PRTFDC1: variants seen among roughly 807,000 people sequenced by gnomAD.
PRTFDC1 encodes the protein phosphoribosyltransferase domain-containing protein 1.
In PRTFDC1, 38 loss-of-function variants were observed where a neutral mutation model predicts 34.6. The observed-to-expected ratio is 1.10, with a 90% CI of 0.85 to 1.44. The LOEUF is 1.44. Ranked by LOEUF, PRTFDC1 falls within the 40% of genes most tolerant of loss-of-function variation. PRTFDC1 has a pLI of 0.00. For missense variants in PRTFDC1, 270 were observed against 283.0 expected, an observed-to-expected ratio of 0.95 and a Z score of 0.33; for synonymous variants, 93 against 98.1, an observed-to-expected ratio of 0.95 and a Z score of 0.31.
intron 3 of PRTFDC1, among the ~76,000 whole-genome samples, chr10:24,904,408 C>T (rs1355260289): frequency 6.6e-6 from 1 of 152,082 alleles, no homozygotes. Flanking sequence ...TTGAGATGTC[C>T]CCCCTCAAAG....
chr10:24,894,889 G>T (rs797003831), intron 3 of PRTFDC1, among the ~76,000 whole-genome samples: 12 of 152,284 alleles, frequency 7.9e-5, no homozygotes, highest in African/African-American at 2.9e-4. Context: ...GCATCAGGAA[G>T]TAGTGGCGAC....
chr10:24,932,712 A>T (rs1848989687), intron 3 of PRTFDC1, among the ~76,000 whole-genome samples: 1 of 152,042 alleles, frequency 6.6e-6, no homozygotes, highest in Non-Finnish European at 1.5e-5. Flanking sequence ...ATTCCCCCCA[A>T]ATTGATCTAT....
intron 3 of PRTFDC1, among the ~76,000 whole-genome samples, chr10:24,933,678 G>GA (rs1193789978): frequency 2.0e-5 from 3 of 148,152 alleles, no homozygotes; most frequent in Non-Finnish European, 4.5e-5. Flanking sequence ...AATCCTTTGG[G>GA]AAAAGAGTTT....
rs377737878 is a variant in PRTFDC1 at position 24,872,776 on chromosome 10, ATGTGTGTGTGTG to A, written c.340-725_340-714del. 3.2e-5 allele frequency among the ~76,000 whole-genome samples: 3 copies of A among 94,316 alleles called. No homozygotes were observed. In the South Asian group the frequency reaches 1.1e-3, roughly 33 times the overall value. The allele number at this position is 94,316 out of a possible 152,430, so 61.9% of individuals were successfully genotyped here. On this transcript the variant is annotated intron_variant, in intron 3 of 8. Coordinates refer to ENST00000320152, the MANE Select transcript of PRTFDC1 (RefSeq NM_020200.7). ...TGCACACGTGTGTGTGTATATATAT[ATGTGTGTGTGTG>A]TATATATATATATATATATTTTTTT...
chr10:24,905,446 C>T (rs916891084), intron 3 of PRTFDC1, among the ~76,000 whole-genome samples: 1 of 151,236 alleles, frequency 6.6e-6, no homozygotes, highest in African/African-American at 2.4e-5. Flanking sequence ...CTCAGTCTCC[C>T]GAGTAGCTGG....
intron 3 of PRTFDC1, among the ~76,000 whole-genome samples, chr10:24,920,243 T>C (rs1848765091): frequency 6.6e-6 from 1 of 151,910 alleles, no homozygotes; most frequent in African/African-American, 2.4e-5. Context: ...CCATCAATGA[T>C]AGACTGGATA....
intron 1 of PRTFDC1, among the ~76,000 whole-genome samples, chr10:24,950,739 C>A (rs1273793782): frequency 2.0e-5 from 3 of 152,078 alleles, no homozygotes; most frequent in African/African-American, 7.2e-5. Context: ...ACCAGCTTCT[C>A]CCCCACAGGC....
At chr10:24,851,756 A>G (rs905683339) in intron 7 of PRTFDC1, among the ~76,000 whole-genome samples, 1 of 151,906 alleles carries the variant, frequency 6.6e-6, no homozygotes, top group Non-Finnish European at 1.5e-5. Flanking sequence ...AGAAATATGC[A>G]TAATTGAGTC....
chr10:24,948,187 C>G (rs74976594), intron 1 of PRTFDC1, among the ~76,000 whole-genome samples: 2 of 152,194 alleles, frequency 1.3e-5, no homozygotes, highest in East Asian at 3.8e-4. Context: ...ACACAACAAT[C>G]ATTTCTGATT....
In PRTFDC1 at chr10:24,892,272, C is replaced by A. The variant is rs115934385; in HGVS notation, c.340-20209G>T. ...AAAGTCCTGGGATTATAGGCATGAG[C>A]CATTGCAACTGACCTAGTAGTTGTA... On this transcript the variant is annotated intron_variant, in intron 3 of 8. Transcript: ENST00000320152. Among the ~76,000 whole-genome samples, 1,227 of 152,210 alleles carry A rather than the reference C, an allele frequency of 8.1e-3. 13 individuals carry two copies. The highest frequency in any genetic ancestry group is 0.028 in the African/African-American group (1,170 of 41,522).
chr10:24,875,846 G>GT (rs61379088), intron 3 of PRTFDC1, among the ~76,000 whole-genome samples: 1,692 of 96,688 alleles, frequency 0.017, 14 homozygotes, highest in Middle Eastern at 0.026. Flanking sequence ...AATTCTCATA[G>GT]TTTTTTTTTT....
At chr10:24,888,659 T>C (rs1264862418) in intron 3 of PRTFDC1, among the ~76,000 whole-genome samples, 1 of 152,212 alleles carries the variant, frequency 6.6e-6, no homozygotes, top group East Asian at 1.9e-4. Flanking sequence ...AGAAAAACAC[T>C]AGAATGTTAT....
chr10:24,912,223 C>G (rs1848636305), intron 3 of PRTFDC1, among the ~76,000 whole-genome samples: 1 of 116,384 alleles, frequency 8.6e-6, no homozygotes, highest in Non-Finnish European at 1.6e-5. Context: ...GAGCAGAGAT[C>G]AGGCCATTGC....
At chr10:24,850,666 G>A (rs1313013336) in intron 8 of PRTFDC1, among the ~76,000 whole-genome samples, 2 of 152,008 alleles carry the variant, frequency 1.3e-5, no homozygotes, top group Non-Finnish European at 2.9e-5. Context: ...GAATTTATTG[G>A]TGGAATACTG....
At chr10:24,923,128 T>G (rs769358622) in intron 3 of PRTFDC1, among the ~76,000 whole-genome samples, 2 of 152,144 alleles carry the variant, frequency 1.3e-5, no homozygotes, top group African/African-American at 2.4e-5. Flanking sequence ...CTTCAGTATG[T>G]AAACAAAGTG....
chr10:24,900,390 G>T (rs1186059578), intron 3 of PRTFDC1, among the ~76,000 whole-genome samples: 1 of 152,236 alleles, frequency 6.6e-6, no homozygotes, highest in Non-Finnish European at 1.5e-5. Flanking sequence ...CAGGAACTCG[G>T]AAGCTCTGTG....
At chr10:24,873,461 C>T (rs1847911746) in intron 3 of PRTFDC1, among the ~76,000 whole-genome samples, 1 of 152,172 alleles carries the variant, frequency 6.6e-6, no homozygotes, top group Non-Finnish European at 1.5e-5. Flanking sequence ...GAGAAAAAAA[C>T]AATATACGCA....
At chr10:24,905,237 T>C (rs1044378278) in intron 3 of PRTFDC1, among the ~76,000 whole-genome samples, 4 of 151,194 alleles carry the variant, frequency 2.6e-5, no homozygotes, top group African/African-American at 9.7e-5. Context: ...TGCTTGAGCC[T>C]GGGAGATTGA....
intron 6 of PRTFDC1, among the ~76,000 whole-genome samples, 193 bp downstream of exon 6, chr10:24,856,720 G>A (rs1847583745): frequency 3.3e-5 from 5 of 152,206 alleles, no homozygotes. Context: ...GGCAAAGCAC[G>A]TCTTCTTCCC....
Sources: allele counts gnomAD v4.1 joint callset (sites outside exome capture counted in the v4.1 genomes callset), GRCh38; gene constraint gnomAD v4.1.1; transcripts MANE v1.5; gene names NCBI Gene and HGNC (gene_info 2026-07-23, HGNC 2026-07-21).